Variants in QKI observed in about 807,000 individuals in gnomAD.
The protein encoded by QKI is QKI, KH domain containing RNA binding.
QKI carries 10 observed loss-of-function variants against 39.0 expected under a neutral mutation model. That is an observed-to-expected ratio of 0.26 (90% CI 0.16 to 0.43). The LOEUF (loss-of-function observed/expected upper bound fraction) is 0.43, where lower values mean the gene tolerates loss of function less well. QKI is among the 20% of genes least tolerant of loss of function. The pLI is 1.00. For missense variants in QKI, 218 were observed against 428.0 expected (o/e 0.51, Z 4.33); for synonymous variants, 204 against 155.4 (o/e 1.31, Z -2.33).
chr6:163,570,008 A>C, intron 7 of QKI: 1 of 986,288 alleles, frequency 1.0e-6, no homozygotes, highest in Non-Finnish European at 1.2e-6. Flanking sequence ...AGGCCTGGCC[A>C]TTTTCTGGTT....
intron 7 of QKI, chr6:163,569,530 G>C: frequency 8.1e-7 from 1 of 1,229,572 alleles, no homozygotes. Flanking sequence ...TTATACTACT[G>C]TTAAGTGGAC....
intron 1 of QKI, among the ~76,000 whole-genome samples, chr6:163,437,761 A>G (rs1004538835): frequency 6.6e-6 from 1 of 152,172 alleles, no homozygotes; most frequent in African/African-American, 2.4e-5. Context: ...TAATGCAAAT[A>G]TACCTTCCAA....
At chr6:163,510,873 C>G (rs974941043) in intron 3 of QKI, among the ~76,000 whole-genome samples, 5 of 150,524 alleles carry the variant, frequency 3.3e-5, no homozygotes, top group African/African-American at 1.2e-4. Flanking sequence ...CTTTCAGCAA[C>G]TAATAAAAAA....
chr6:163,462,511 G>T (rs534441971), intron 2 of QKI, among the ~76,000 whole-genome samples: 32 of 152,220 alleles, frequency 2.1e-4, no homozygotes, highest in African/African-American at 7.2e-4. Flanking sequence ...ATTGTTTGGG[G>T]TTACAGAACA....
chr6:163,526,754 T>A (rs1780541558), intron 3 of QKI, among the ~76,000 whole-genome samples: 1 of 152,220 alleles, frequency 6.6e-6, no homozygotes, highest in South Asian at 2.1e-4. Context: ...TTGTTCAGAA[T>A]TGTTTCTGCA....
chr6:163,435,963 G>A (rs1048184301), intron 1 of QKI, among the ~76,000 whole-genome samples: 1 of 152,110 alleles, frequency 6.6e-6, no homozygotes, highest in Non-Finnish European at 1.5e-5. Context: ...ACTAATGTTT[G>A]TAATTTCTTA....
intron 4 of QKI, among the ~76,000 whole-genome samples, chr6:163,561,113 AAG>A (rs778272580): frequency 3.2e-4 from 48 of 152,234 alleles, no homozygotes; most frequent in Non-Finnish European, 5.3e-4. Context: ...ATGGTGGTGT[AAG>A]AGAGCAGAAT....
chr6:163,518,276 T>C (rs1779952911), intron 3 of QKI, among the ~76,000 whole-genome samples: 2 of 152,120 alleles, frequency 1.3e-5, no homozygotes, highest in Admixed American at 1.3e-4. Flanking sequence ...CAAAAAAATT[T>C]TTCCTTTGTG....
chr6:163,547,829 A>G (rs1476797421), intron 4 of QKI, among the ~76,000 whole-genome samples: 2 of 151,704 alleles, frequency 1.3e-5, no homozygotes, highest in African/African-American at 4.8e-5. Context: ...CCTCCTATCC[A>G]TTTTCTACTT....
chr6:163,530,982 C>T (rs1265358559), intron 3 of QKI, among the ~76,000 whole-genome samples: 3 of 152,042 alleles, frequency 2.0e-5, no homozygotes, highest in Non-Finnish European at 4.4e-5. Flanking sequence ...AGTTTCTGAA[C>T]CTCTTGGACT....
chr6:163,416,168 A>G (rs1300948735), intron 1 of QKI: 4 of 350,376 alleles, frequency 1.1e-5, no homozygotes, highest in African/African-American at 4.3e-5. Context: ...CTGAGTTTGT[A>G]GGACAGGGTT....
intron 3 of QKI, among the ~76,000 whole-genome samples, chr6:163,532,918 C>G (rs1434386436): frequency 2.0e-5 from 3 of 152,122 alleles, no homozygotes; most frequent in Admixed American, 2.0e-4. Flanking sequence ...GTTCCCAACT[C>G]TGTGTCATTT....
chr6:163,552,206 C>CTTTTTTTTTT (rs35060699), intron 4 of QKI, among the ~76,000 whole-genome samples: 2 of 101,770 alleles, frequency 2.0e-5, no homozygotes, highest in Non-Finnish European at 3.7e-5. Flanking sequence ...TTCGTTCGTT[C>CTTTTTTTTTT]TTTTTTTTTT....
intron 1 of QKI, among the ~76,000 whole-genome samples, chr6:163,454,784 T>C (rs1000547503): frequency 6.6e-6 from 1 of 152,240 alleles, no homozygotes; most frequent in Admixed American, 6.5e-5. Flanking sequence ...TGCAGTCTGT[T>C]GTCTTTTGAA....
chr6:163,427,031 C>T (rs1017498976), intron 1 of QKI, among the ~76,000 whole-genome samples: 1 of 152,072 alleles, frequency 6.6e-6, no homozygotes, highest in Non-Finnish European at 1.5e-5. Flanking sequence ...TGTGCCTTGT[C>T]TGCCTTGCCT....
intron 2 of QKI, among the ~76,000 whole-genome samples, chr6:163,460,646 G>A (rs1038722537): frequency 1.3e-5 from 2 of 152,090 alleles, no homozygotes; most frequent in Admixed American, 6.6e-5. Flanking sequence ...GGGATTATGG[G>A]GAGAGGGGCC....
chr6:163,415,427 G>A, intron 1 of QKI, 92 bp downstream of exon 1: 1 of 1,335,670 alleles, frequency 7.5e-7, no homozygotes, highest in Non-Finnish European at 1.0e-6. Flanking sequence ...GGAAGGTCAC[G>A]GCCGGGCGGG....
intron 3 of QKI, among the ~76,000 whole-genome samples, chr6:163,527,903 C>G (rs9295224): frequency 0.66 from 100,494 of 151,934 alleles, 34,394 homozygotes; most frequent in East Asian, 1. Context: ...CTATTCGAAA[C>G]TTTAAAGACT....
intron 2 of QKI, chr6:163,457,477 C>T (rs1583022845): frequency 6.6e-6 from 3 of 455,890 alleles, no homozygotes; most frequent in East Asian, 1.4e-4. Flanking sequence ...AGTCCTTGGA[C>T]CATAGTATCT....
Sources: allele counts gnomAD v4.1 joint callset (sites outside exome capture counted in the v4.1 genomes callset), GRCh38; gene constraint gnomAD v4.1.1; transcripts MANE v1.5; gene names NCBI Gene and HGNC (gene_info 2026-07-23, HGNC 2026-07-21).